The following SLC39A11 variants were observed in gnomAD, a reference collection of about 807,000 sequenced individuals.
SLC39A11 encodes zinc transporter ZIP11.
Under a neutral mutation model 36.1 loss-of-function variants are expected in SLC39A11, and 33 were observed. That is an observed-to-expected ratio of 0.91 (90% CI 0.69 to 1.22). The LOEUF is 1.22. Ranked by LOEUF, SLC39A11 falls within the 50% of genes most tolerant of loss-of-function variation. SLC39A11 has a pLI of 0.00. For synonymous variants in SLC39A11, 166 were observed against 170.3 expected, an observed-to-expected ratio of 0.97 and a Z score of 0.20; for missense variants, 432 against 430.3, an observed-to-expected ratio of 1.00 and a Z score of -0.03.
At chr17:72,847,414 A>G (rs2079102305) in intron 6 of SLC39A11, among the ~76,000 whole-genome samples, 1 of 152,152 alleles carries the variant, frequency 6.6e-6, no homozygotes, top group African/African-American at 2.4e-5. Context: ...AAAAAAAAAA[A>G]AAAAAAAAAT....
chr17:72,776,610 G>GCA (rs147476454), intron 6 of SLC39A11, among the ~76,000 whole-genome samples: 1 of 119,856 alleles, frequency 8.3e-6, no homozygotes, highest in Non-Finnish European at 1.7e-5. Flanking sequence ...ACTTTGCATG[G>GCA]AAAAAAAAAA....
At chr17:72,717,290 T>C (rs2073447880) in intron 7 of SLC39A11, among the ~76,000 whole-genome samples, 1 of 152,050 alleles carries the variant, frequency 6.6e-6, no homozygotes, top group Non-Finnish European at 1.5e-5. Flanking sequence ...AAGACGCCGA[T>C]GGAGGTAGGG....
intron 5 of SLC39A11, among the ~76,000 whole-genome samples, chr17:72,900,153 A>AAAAGAAAAGAAAG: frequency 1.6e-5 from 1 of 61,330 alleles, no homozygotes; most frequent in Admixed American, 1.7e-4. Flanking sequence ...AGAAAGAAAG[A>AAAAGAAAAGAAAG]AAAGAAAGAA....
At chr17:72,802,613 A>G (rs1367239665) in intron 6 of SLC39A11, among the ~76,000 whole-genome samples, 6 of 151,034 alleles carry the variant, frequency 4.0e-5, no homozygotes, top group Admixed American at 4.0e-4. Flanking sequence ...AAAGAAAAGA[A>G]AAGAAAAGAA....
intron 6 of SLC39A11, among the ~76,000 whole-genome samples, chr17:72,827,387 T>C (rs1030263803): frequency 6.6e-6 from 1 of 152,156 alleles, no homozygotes; most frequent in Non-Finnish European, 1.5e-5. Flanking sequence ...AGGGGTTTCT[T>C]CTGGGGTAAT....
chr17:72,792,671 T>A (rs1344350913), intron 6 of SLC39A11, among the ~76,000 whole-genome samples: 1 of 152,154 alleles, frequency 6.6e-6, no homozygotes, highest in Non-Finnish European at 1.5e-5. Context: ...TGCACACCTC[T>A]GTAAGAACTG....
chr17:72,885,073 C>T (rs541073946), intron 5 of SLC39A11, among the ~76,000 whole-genome samples: 3 of 152,318 alleles, frequency 2.0e-5, no homozygotes, highest in South Asian at 2.1e-4. Flanking sequence ...CACAGCAATT[C>T]TTATCCACTT....
At chr17:72,648,701 G>A in intron 9 of SLC39A11, 102 bp downstream of exon 9, 1 of 1,389,936 alleles carries the variant, frequency 7.2e-7, no homozygotes, top group East Asian at 2.4e-5. Context: ...AGAGGGGGAG[G>A]GAATAAGGAA....
At chr17:73,076,048 T>C (rs571577569) in intron 3 of SLC39A11, among the ~76,000 whole-genome samples, 1 of 152,322 alleles carries the variant, frequency 6.6e-6, no homozygotes, top group African/African-American at 2.4e-5. Context: ...TTAGGTATTC[T>C]AATCACCTAA....
At chr17:72,712,484 A>C (rs1163203044) in intron 7 of SLC39A11, among the ~76,000 whole-genome samples, 1 of 152,208 alleles carries the variant, frequency 6.6e-6, no homozygotes, top group Non-Finnish European at 1.5e-5. Context: ...TTTGTTTTTT[A>C]ATAGAAGGTG....
chr17:72,837,887 G>C (rs1278970439), intron 6 of SLC39A11: 11 of 1,150,194 alleles, frequency 9.6e-6, no homozygotes, highest in Non-Finnish European at 1.2e-5. Flanking sequence ...TGGAGGGAGG[G>C]AGGAATGGGG....
chr17:72,729,161 C>T (rs1248080022), intron 7 of SLC39A11, among the ~76,000 whole-genome samples: 2 of 151,854 alleles, frequency 1.3e-5, no homozygotes, highest in South Asian at 2.1e-4. Context: ...TTGCCTGCAT[C>T]GGAACCCACC....
chr17:72,802,342 C>T (rs1273435572), intron 6 of SLC39A11, among the ~76,000 whole-genome samples: 1 of 152,076 alleles, frequency 6.6e-6, no homozygotes, highest in Admixed American at 6.6e-5. Flanking sequence ...GTAATCCTAA[C>T]ACTTTGGGAG....
intron 7 of SLC39A11, among the ~76,000 whole-genome samples, chr17:72,683,732 T>C (rs575273716): frequency 4.0e-5 from 6 of 151,780 alleles, no homozygotes; most frequent in African/African-American, 1.5e-4. Flanking sequence ...CGTAGAAAAC[T>C]CTTTAGCTAA....
intron 3 of SLC39A11, among the ~76,000 whole-genome samples, chr17:73,042,771 C>A (rs1299863679): frequency 6.6e-6 from 1 of 152,174 alleles, no homozygotes; most frequent in Non-Finnish European, 1.5e-5. Flanking sequence ...CATTGCACTG[C>A]AGCCTGGGCA....
At position 72,735,849 on chromosome 17, in the gene SLC39A11, G is replaced by T. The variant is rs150549142; in HGVS notation, c.671+801C>A. On this transcript the variant is annotated intron_variant, in intron 7 of 9. Transcript: ENST00000255559. ...ATCCCAAGGCTGTGACCTTACCTAT[G>T]CCCTGTTTATTTCCAGGCAGGTAGA... is the stretch of plus-strand genomic sequence containing the variant. Among the ~76,000 whole-genome samples, 111 of 152,254 alleles carry T rather than the reference G, an allele frequency of 7.3e-4. 1 individual carries two copies. The highest frequency in any genetic ancestry group is 3.4e-3 in the Middle Eastern group (1 of 294).
intron 4 of SLC39A11, among the ~76,000 whole-genome samples, chr17:72,953,142 C>T (rs376017541): frequency 6.6e-6 from 1 of 152,052 alleles, no homozygotes; most frequent in Non-Finnish European, 1.5e-5. Flanking sequence ...GTACCACCCA[C>T]CCACCACCCA....
intron 4 of SLC39A11, among the ~76,000 whole-genome samples, chr17:72,965,591 C>T (rs1013693434): frequency 6.6e-6 from 1 of 152,164 alleles, no homozygotes; most frequent in Admixed American, 6.5e-5. Flanking sequence ...GGTAGCTGGG[C>T]TAAGCTATGA....
intron 7 of SLC39A11, among the ~76,000 whole-genome samples, chr17:72,715,884 A>G (rs2073340140): frequency 6.6e-6 from 1 of 151,916 alleles, no homozygotes; most frequent in South Asian, 2.1e-4. Context: ...TTGAGTAGAG[A>G]CGTGGTTTCA....
Sources: gnomAD v4.1 joint callset for allele counts (sites outside exome capture counted in the v4.1 genomes callset) on GRCh38, gnomAD v4.1.1 for gene constraint, MANE v1.5 for transcripts, NCBI Gene and HGNC (gene_info 2026-07-23, HGNC 2026-07-21) for gene names.